LLGL1: variants seen among roughly 807,000 people sequenced by gnomAD.
LLGL1 encodes the protein LLGL scribble cell polarity complex component 1, also known as lethal(2) giant larvae protein homolog 1.
In LLGL1, 58 loss-of-function variants were observed where a neutral mutation model predicts 110.6. The ratio of observed to expected loss-of-function variants is 0.52; its 90% CI spans 0.42 to 0.65. The LOEUF is 0.65. LLGL1 is among the 30% of genes least tolerant of loss of function. The pLI is 0.00. For missense variants in LLGL1, 1,229 were observed against 1,462.1 expected (o/e 0.84, Z 2.60); for synonymous variants, 674 against 607.2 (o/e 1.11, Z -1.62).
chr17:18,242,845 G>C (rs1174098221), intron 22 of LLGL1, 23 bp downstream of exon 22: 1 of 1,536,964 alleles, frequency 6.5e-7, no homozygotes, highest in South Asian at 1.2e-5. Context: ...TGGGGCCCTG[G>C]TCCTCACCAC....
intron 1 of LLGL1, among the ~76,000 whole-genome samples, chr17:18,227,057 T>G (rs909520860): frequency 6.6e-6 from 1 of 152,242 alleles, no homozygotes; most frequent in Non-Finnish European, 1.5e-5. Context: ...GGGGCTGCTG[T>G]GGTCCTGGGC....
rs1567700333 is a variant in LLGL1, at chr17:18,244,736, A to AGGGGGGGGG, written c.*832_*840dup. 16 of 10,198 alleles carry AGGGGGGGGG rather than the reference A, an allele frequency of 1.6e-3. 1 individual carries two copies. Among genetic ancestry groups the AGGGGGGGGG allele is most frequent in the African/African-American group, 4.1e-3 (12 of 2,942 alleles). 0.6% of individuals were successfully genotyped at this position (10,198 alleles called of 1,614,324 possible). A position where few individuals can be genotyped will look rare whatever the true frequency, so the allele number is the denominator to read the frequency against. ...TGTGTGTCCGGCGGGGGGGGGGGGCAGGGGGGGGGGTCAAGATGAGTTTCC... is the reference window on the plus strand; with the variant it reads ...TGTGTGTCCGGCGGGGGGGGGGGGCAGGGGGGGGGGGGGGGGGGGTCAAGATGAGTTTCC... On this transcript the variant is annotated 3_prime_UTR_variant, in exon 23 of 23. Coordinates refer to ENST00000316843, the MANE Select transcript of LLGL1 (RefSeq NM_004140.4).
At chr17:18,230,257 G>A (rs1376151458) in intron 2 of LLGL1, among the ~76,000 whole-genome samples, 2 of 152,162 alleles carry the variant, frequency 1.3e-5, no homozygotes, top group African/African-American at 4.8e-5. Context: ...ACGGGTGGTG[G>A]GGGGTCAGTT....
intron 11 of LLGL1, 166 bp downstream of exon 11, chr17:18,235,703 T>A: frequency 1.5e-6 from 1 of 657,370 alleles, no homozygotes; most frequent in Non-Finnish European, 2.6e-6. Flanking sequence ...TCCCTGGACC[T>A]TGGTTCAAGG....
intron 4 of LLGL1, among the ~76,000 whole-genome samples, chr17:18,233,436 C>T (rs2605136): frequency 0.33 from 49,449 of 151,980 alleles, 8,393 homozygotes; most frequent in Middle Eastern, 0.37. Flanking sequence ...GATGTCTGAG[C>T]GCTGGCAGCG....
chr17:18,242,716 C>T, intron 21 of LLGL1, 27 bp from the exon 22 acceptor site: 1 of 1,561,730 alleles, frequency 6.4e-7, no homozygotes, highest in Non-Finnish European at 8.7e-7. Context: ...CCCGCCCCCA[C>T]CCCTGAGCAC....
intron 11 of LLGL1, 34 bp from the exon 12 acceptor site, chr17:18,236,573 A>G: frequency 6.3e-7 from 1 of 1,585,052 alleles, no homozygotes; most frequent in Non-Finnish European, 8.6e-7. Flanking sequence ...CCTCCCAGGA[A>G]CTCGGGTAGC....
intron 6 of LLGL1, 42 bp from the exon 7 acceptor site, chr17:18,234,231 T>C: frequency 1.3e-6 from 2 of 1,597,368 alleles, no homozygotes; most frequent in Non-Finnish European, 8.5e-7. Flanking sequence ...ATGCCCACCA[T>C]GGCTCATGCC....
chr17:18,244,861 T>TTAA lies in LLGL1; in HGVS notation c.*958_*960dup. The TTAA allele has an allele frequency of 2.5e-6, 1 of 403,930 alleles. No homozygotes were observed. The highest frequency in any genetic ancestry group is 4.4e-6 in the Non-Finnish European group (1 of 229,020). The allele number at this position is 403,930 out of a possible 1,614,324, so 25.0% of individuals were successfully genotyped here. ...TTTTTAATATTGAAAATAAAAGCAT[T>TTAA]TAATATCTCTTAAAGGGCATCCACA... On this transcript the variant is annotated 3_prime_UTR_variant, in exon 23 of 23. Transcript: ENST00000316843.
At chr17:18,230,060 T>C in intron 2 of LLGL1, 22 bp downstream of exon 2, 1 of 1,583,048 alleles carries the variant, frequency 6.3e-7, no homozygotes, top group Non-Finnish European at 8.6e-7. Context: ...AGGACAGGTG[T>C]TCAGGGTCTG....
At position 18,235,013 on chromosome 17, in the gene LLGL1, C is replaced by T; in HGVS notation, c.1060+20C>T. The T allele has an allele frequency of 6.2e-7, 1 of 1,613,900 alleles. No individual in the cohort carries two copies. Among genetic ancestry groups the T allele is most frequent in the South Asian group, 1.1e-5 (1 of 91,062 alleles). ...AGGATGGTGCGTGCCCTGCCGTACC[C>T]TACCCTTTCCCAGCCCCACCTGGTG... On this transcript the variant is annotated intron_variant, in intron 9 of 22. Coordinates refer to ENST00000316843, the MANE Select transcript of LLGL1 (RefSeq NM_004140.4).
chr17:18,243,603 C>T (rs528056749), intron 22 of LLGL1, among the ~76,000 whole-genome samples: 6 of 152,230 alleles, frequency 3.9e-5, no homozygotes, highest in African/African-American at 9.6e-5. Flanking sequence ...ATCTGCCCAG[C>T]GCATTTGCTG....
chr17:18,236,512 G>A (rs778376119), intron 11 of LLGL1, 95 bp from the exon 12 acceptor site: 7 of 1,259,822 alleles, frequency 5.6e-6, no homozygotes, highest in Middle Eastern at 2.7e-4. Flanking sequence ...GGCACGTGCA[G>A]TAGGTGCTTA....
Position 18,234,517 on chromosome 17 carries a change from G to A in LLGL1, c.850+109G>A, listed in dbSNP as rs867696344. 4.4e-6 allele frequency: 7 copies of A among 1,577,066 alleles called. No individual in the cohort carries two copies. The African/African-American group carries it at 8.1e-5, about 18-fold the overall frequency. On this transcript the variant is annotated intron_variant, in intron 7 of 22. Coordinates refer to ENST00000316843, the MANE Select transcript of LLGL1 (RefSeq NM_004140.4). The stretch of plus-strand genomic sequence containing the variant: ...TCCCCGAGGGGGTGGTCTGGGGGCA[G>A]TGTGTCTCCCGCCGACTTCCCGGGG...
chr17:18,235,327 CAG>C lies in LLGL1; in HGVS notation c.1284+16_1284+17del, dbSNP rs1567690296. On this transcript the variant is annotated intron_variant, in intron 10 of 22. Transcript: ENST00000316843. ...CCAGTGCCTTGGTGTGTGCGGCGATCAGGGGGGTCTTACAGGGTGGAGTCTTG... is the reference window on the plus strand; with the variant it reads ...CCAGTGCCTTGGTGTGTGCGGCGATCGGGGGTCTTACAGGGTGGAGTCTTG... 2 of 1,609,230 alleles carry C rather than the reference CAG, an allele frequency of 1.2e-6. No individual in the cohort carries two copies. The highest frequency in any genetic ancestry group is 1.7e-5 in the Admixed American group (1 of 59,996).
rs2047707737 is a variant in LLGL1 at position 18,236,929 on chromosome 17, C to T, written c.1601C>T (p.Thr534Ile). 6.2e-7 allele frequency: 1 copy of T among 1,612,484 alleles called. No individual in the cohort carries two copies. Among genetic ancestry groups the T allele is most frequent in the East Asian group, 2.2e-5 (1 of 44,848 alleles). The change falls in exon 13 of 23, where the codon ACT becomes ATT. Residue 534 changes from threonine to isoleucine, a missense_variant. Transcript: ENST00000316843. ...ACAGCCCAGATGGTGGTGGCTGGCACTGCAGGCCAGGTAGGGCTGGGTGTC... is the reference window on the plus strand; with the variant it reads ...ACAGCCCAGATGGTGGTGGCTGGCATTGCAGGCCAGGTAGGGCTGGGTGTC... ...KYTAQMVVAG[T>I]AGQVLVLELS...
intron 2 of LLGL1, among the ~76,000 whole-genome samples, chr17:18,231,068 G>C (rs1018667128): frequency 9.8e-5 from 15 of 152,310 alleles, no homozygotes; most frequent in Admixed American, 3.3e-4. Context: ...GCCTTCAGGT[G>C]TCCCTCCTGT....
At position 18,241,898 on chromosome 17, in the gene LLGL1, A is replaced by G. The variant is rs2047842752; in HGVS notation, c.2781A>G (p.Ile927Met). The part of the protein sequence containing the change: ...FTRHGQGFYL[I>M]SPSEFERFSL... ...CTGCCCACCCAGGCTTTTACCTGAT[A>G]TCCCCATCAGAATTTGAACGCTTCT... Residue 927 changes from isoleucine (I) to methionine (M), a missense_variant, in exon 19 of 23, where the codon ATA becomes ATG. Coordinates refer to ENST00000316843, the MANE Select transcript of LLGL1 (RefSeq NM_004140.4). 1 of 1,613,578 alleles carries G rather than the reference A, an allele frequency of 6.2e-7. No homozygotes were observed. Among genetic ancestry groups the G allele is most frequent in the Non-Finnish European group, 8.5e-7 (1 of 1,179,644 alleles).
intron 1 of LLGL1, among the ~76,000 whole-genome samples, chr17:18,229,094 G>A (rs945846033): frequency 6.6e-6 from 1 of 152,188 alleles, no homozygotes; most frequent in Non-Finnish European, 1.5e-5. Flanking sequence ...AGTGGCCCAC[G>A]TGGGTGTCCT....
Sources: gnomAD v4.1 joint callset for allele counts (sites outside exome capture counted in the v4.1 genomes callset) on GRCh38, gnomAD v4.1.1 for gene constraint, MANE v1.5 for transcripts, NCBI Gene and HGNC (gene_info 2026-07-23, HGNC 2026-07-21) for gene names.